Variants in MACROD2 observed in about 807,000 individuals in gnomAD.
The protein encoded by MACROD2 is ADP-ribose glycohydrolase MACROD2.
MACROD2 carries 36 observed loss-of-function variants against 70.4 expected under a neutral mutation model. That is an observed-to-expected ratio of 0.51 (90% CI 0.39 to 0.68). MACROD2 has a LOEUF of 0.68. Ranked by LOEUF, MACROD2 falls within the 30% of genes least tolerant of loss-of-function variation. The pLI is 0.00. For synonymous variants in MACROD2, 172 were observed against 178.8 expected (o/e 0.96, Z 0.30); for missense variants, 496 against 538.4 (o/e 0.92, Z 0.78).
intron 5 of MACROD2, among the ~76,000 whole-genome samples, chr20:15,121,044 C>T (rs2076026420): frequency 6.6e-6 from 1 of 152,136 alleles, no homozygotes; most frequent in Admixed American, 6.5e-5. Flanking sequence ...TTCTCCATTG[C>T]CTGCATGTTT....
At chr20:14,297,211 A>C (rs1344917273) in intron 3 of MACROD2, among the ~76,000 whole-genome samples, 1 of 151,788 alleles carries the variant, frequency 6.6e-6, no homozygotes, top group Admixed American at 6.6e-5. Flanking sequence ...GAGACACAAC[A>C]ATATTAAAAT....
intron 8 of MACROD2, among the ~76,000 whole-genome samples, chr20:15,529,084 A>G (rs6043347): frequency 0.37 from 55,967 of 151,996 alleles, 12,531 homozygotes; most frequent in African/African-American, 0.63. Context: ...AGTAGTAGAC[A>G]CCACTGCTCC....
intron 8 of MACROD2, among the ~76,000 whole-genome samples, chr20:15,848,655 G>A (rs2064262063): frequency 1.3e-5 from 2 of 152,184 alleles, no homozygotes; most frequent in African/African-American, 4.8e-5. Context: ...AGCAGACAAT[G>A]TTGTGGAGGA....
At chr20:14,126,725 T>A (rs2054655474) in intron 3 of MACROD2, among the ~76,000 whole-genome samples, 1 of 152,218 alleles carries the variant, frequency 6.6e-6, no homozygotes, top group Non-Finnish European at 1.5e-5. Context: ...TTCATTATTA[T>A]TATATCTGTT....
intron 4 of MACROD2, among the ~76,000 whole-genome samples, chr20:14,581,592 T>A (rs1981022725): frequency 6.6e-6 from 1 of 152,208 alleles, no homozygotes; most frequent in Admixed American, 6.5e-5. Flanking sequence ...TTATATTACT[T>A]TTACATTATT....
intron 4 of MACROD2, among the ~76,000 whole-genome samples, chr20:14,535,505 C>CAAAA (rs11357982): frequency 3.2e-5 from 2 of 62,998 alleles, no homozygotes; most frequent in Non-Finnish European, 3.0e-5. Flanking sequence ...AACTCCGTCT[C>CAAAA]AAAAAAAAAA....
intron 3 of MACROD2, among the ~76,000 whole-genome samples, chr20:14,120,667 A>G (rs188276193): frequency 6.7e-4 from 102 of 151,412 alleles, no homozygotes; most frequent in African/African-American, 2.3e-3. Flanking sequence ...TGTGATATAT[A>G]TATATATCAC....
intron 3 of MACROD2, among the ~76,000 whole-genome samples, chr20:14,229,925 A>C (rs1298372676): frequency 6.6e-6 from 1 of 152,228 alleles, no homozygotes; most frequent in African/African-American, 2.4e-5. Context: ...TATAGCAATA[A>C]AGTGAGTCAC....
chr20:15,282,704 T>C (rs190127433), intron 6 of MACROD2, among the ~76,000 whole-genome samples: 214 of 152,288 alleles, frequency 1.4e-3, no homozygotes, highest in Middle Eastern at 3.4e-3. Context: ...AACAAGTCTC[T>C]AGGAAGTTTC....
intron 4 of MACROD2, among the ~76,000 whole-genome samples, chr20:14,611,461 T>G (rs910997918): frequency 6.6e-6 from 1 of 151,478 alleles, no homozygotes; most frequent in Non-Finnish European, 1.5e-5. Context: ...GGTTTTTTTT[T>G]TTTTTTTTTT....
chr20:16,047,357 T>G (rs1304417995), intron 17 of MACROD2, among the ~76,000 whole-genome samples: 1 of 152,182 alleles, frequency 6.6e-6, no homozygotes, highest in Non-Finnish European at 1.5e-5. Flanking sequence ...AGGGATAGCA[T>G]AAGGATACAA....
intron 5 of MACROD2, among the ~76,000 whole-genome samples, chr20:14,789,460 ATTTTTTTTTTTTT>A (rs3045609): frequency 2.3e-4 from 11 of 48,362 alleles, no homozygotes; most frequent in East Asian, 6.8e-4. Flanking sequence ...GGTAGTGCAA[ATTTTTTTTTTTTT>A]TTTTTTTTTT....
At chr20:16,020,662 A>G (rs1276141006) in intron 15 of MACROD2, among the ~76,000 whole-genome samples, 2 of 150,408 alleles carry the variant, frequency 1.3e-5, no homozygotes, top group African/African-American at 2.5e-5. Flanking sequence ...CTTTGGCTAA[A>G]ATTTATTATT....
At chr20:15,261,358 G>A (rs1465152441) in intron 6 of MACROD2, among the ~76,000 whole-genome samples, 3 of 151,840 alleles carry the variant, frequency 2.0e-5, no homozygotes, top group Non-Finnish European at 4.4e-5. Flanking sequence ...AATAATAGTT[G>A]TTTAACCCAA....
chr20:15,532,509 A>G (rs1045599276), intron 8 of MACROD2, among the ~76,000 whole-genome samples: 1 of 152,054 alleles, frequency 6.6e-6, no homozygotes, highest in Non-Finnish European at 1.5e-5. Context: ...ACCGTCACTG[A>G]GGAAGAGAGA....
chr20:14,411,435 C>A (rs1032263743), intron 3 of MACROD2, among the ~76,000 whole-genome samples: 1 of 151,952 alleles, frequency 6.6e-6, no homozygotes, highest in Non-Finnish European at 1.5e-5. Flanking sequence ...TCTCATTAAC[C>A]CCGAATTTAA....
chr20:15,762,740 C>G lies in MACROD2; in HGVS notation c.646-100005C>G, dbSNP rs1002424391. Among the ~76,000 whole-genome samples the G allele has an allele frequency of 2.6e-5, 4 of 152,222 alleles. No individual in the cohort carries two copies. The East Asian group carries it at 7.7e-4, about 29-fold the overall frequency. On this transcript the variant is annotated intron_variant, in intron 8 of 17. Transcript: ENST00000684519. ...GGGGTGAGGGACATGTAAGATAAAA[C>G]TGTTCTGGTGACTTGCTAATAACCA...
intron 3 of MACROD2, among the ~76,000 whole-genome samples, chr20:14,316,649 T>A (rs140492461): frequency 5.8e-4 from 89 of 152,316 alleles, no homozygotes; most frequent in African/African-American, 2.0e-3. Context: ...CTTCTTCCAA[T>A]GTGGTCCAGG....
chr20:15,651,694 G>A lies in MACROD2; in HGVS notation c.645+151847G>A, dbSNP rs184093277. Among the ~76,000 whole-genome samples the A allele has an allele frequency of 1.9e-3, 292 of 152,174 alleles. 3 individuals are homozygous for A. The highest frequency in any genetic ancestry group is 6.8e-3 in the African/African-American group (284 of 41,520). On this transcript the variant is annotated intron_variant, in intron 8 of 17. Coordinates refer to ENST00000684519, the MANE Select transcript of MACROD2 (RefSeq NM_001351661.2). ...GTCTTGTCATCTTTCAACTCCAGTG[G>A]TCCTGAGGCTTCTTCCAGGCACCTC...
Sources: allele counts gnomAD v4.1 joint callset (sites outside exome capture counted in the v4.1 genomes callset), GRCh38; gene constraint gnomAD v4.1.1; transcripts MANE v1.5; gene names NCBI Gene and HGNC (gene_info 2026-07-23, HGNC 2026-07-21).